The following EPHA5 variants were observed in gnomAD, a reference collection of about 807,000 sequenced individuals.
EPHA5 encodes the protein EPH receptor A5.
EPHA5 carries 60 observed loss-of-function variants against 105.0 expected under a neutral mutation model. The ratio of observed to expected loss-of-function variants is 0.57; its 90% CI spans 0.46 to 0.71. The LOEUF is 0.71. EPHA5 is among the 30% of genes least tolerant of loss of function. The probability of loss-of-function intolerance (pLI) is 0.00; values close to 1 mark genes in which losing one functional copy is unlikely to be tolerated. For synonymous variants in EPHA5, 513 were observed against 449.1 expected, an observed-to-expected ratio of 1.14 and a Z score of -1.80; for missense variants, 1,218 against 1,274.7, an observed-to-expected ratio of 0.96 and a Z score of 0.68.
rs535812615 is a variant in EPHA5 at position 65,646,420 on chromosome 4, A to C, written c.182-2993T>G. On this transcript the variant is annotated intron_variant, in intron 1 of 16. Coordinates refer to ENST00000613740, the MANE Select transcript of EPHA5 (RefSeq NM_001281766.3). ...TACACCAGTGGTTCTCAACATGGAG[A>C]TATAATAATGTCTGGACACATTTAG... Among the ~76,000 whole-genome samples, 3 of 152,306 alleles carry C rather than the reference A, an allele frequency of 2.0e-5. No homozygotes were observed. In the East Asian group the frequency reaches 5.8e-4, roughly 29 times the overall value.
intron 3 of EPHA5, among the ~76,000 whole-genome samples, chr4:65,593,494 C>T (rs1742872223): frequency 6.6e-6 from 1 of 152,138 alleles, no homozygotes; most frequent in African/African-American, 2.4e-5. Flanking sequence ...ACATAAAAAT[C>T]ACCAAGGAAT....
At chr4:65,345,930 G>T (rs1450290713) in intron 14 of EPHA5, among the ~76,000 whole-genome samples, 1 of 151,700 alleles carries the variant, frequency 6.6e-6, no homozygotes, top group Non-Finnish European at 1.5e-5. Flanking sequence ...CCGCCACCAC[G>T]CCCGGCTAAT....
At chr4:65,623,190 G>A (rs960023312) in intron 2 of EPHA5, among the ~76,000 whole-genome samples, 1 of 151,824 alleles carries the variant, frequency 6.6e-6, no homozygotes, top group Non-Finnish European at 1.5e-5. Flanking sequence ...CTCACAAAAG[G>A]CTGTCAACAT....
intron 5 of EPHA5, among the ~76,000 whole-genome samples, chr4:65,464,044 AT>A (rs970934116): frequency 3.3e-5 from 5 of 151,260 alleles, no homozygotes; most frequent in African/African-American, 1.2e-4. Context: ...ACAAGAGGAA[AT>A]TTTTTTTTGG....
chr4:65,579,377 A>ATATAAAT (rs1560727039), intron 3 of EPHA5, among the ~76,000 whole-genome samples: 2 of 92,272 alleles, frequency 2.2e-5, no homozygotes, highest in Non-Finnish European at 5.0e-5. Context: ...TATATATATA[A>ATATAAAT]ATATATATAT....
chr4:65,531,764 G>A (rs1735822613), intron 3 of EPHA5, among the ~76,000 whole-genome samples: 1 of 152,116 alleles, frequency 6.6e-6, no homozygotes, highest in African/African-American at 2.4e-5. Context: ...GAATGACAAT[G>A]ATCCAGGAAT....
At chr4:65,455,377 A>G (rs996365937) in intron 5 of EPHA5, among the ~76,000 whole-genome samples, 2 of 152,242 alleles carry the variant, frequency 1.3e-5, no homozygotes, top group African/African-American at 4.8e-5. Context: ...ACAAGCAAAC[A>G]GCTGGACATC....
intron 11 of EPHA5, among the ~76,000 whole-genome samples, chr4:65,360,691 AATTTT>A (rs1219321933): frequency 3.3e-5 from 5 of 151,576 alleles, no homozygotes; most frequent in Non-Finnish European, 7.4e-5. Context: ...CTTTCCTATT[AATTTT>A]ATTATTTTTC....
rs1015921939 is a variant in EPHA5, at chr4:65,483,725, T to A, written c.1402+6652A>T. On this transcript the variant is annotated intron_variant, in intron 5 of 16. Coordinates refer to ENST00000613740, the MANE Select transcript of EPHA5 (RefSeq NM_001281766.3). ...TCATATTACAGTTGATACAGTAATA[T>A]TTCCATTTCAGCTTTTGATTATTTT... is the stretch of plus-strand genomic sequence containing the variant. Among the ~76,000 whole-genome samples, 2 of 152,184 alleles carry A rather than the reference T, an allele frequency of 1.3e-5. 1 individual carries two copies. The highest frequency in any genetic ancestry group is 6.3e-3 in the Middle Eastern group (2 of 316).
intron 16 of EPHA5, among the ~76,000 whole-genome samples, chr4:65,328,600 A>G (rs1043199751): frequency 1.3e-4 from 20 of 151,060 alleles, no homozygotes; most frequent in African/African-American, 4.8e-4. Context: ...CCAAACTTCA[A>G]TATTTATTGC....
intron 2 of EPHA5, among the ~76,000 whole-genome samples, chr4:65,615,318 T>C (rs1745134513): frequency 6.6e-6 from 1 of 151,762 alleles, no homozygotes; most frequent in Non-Finnish European, 1.5e-5. Context: ...TGAAACCAAT[T>C]GGGGTACATA....
chr4:65,637,273 A>T (rs1273953817), intron 2 of EPHA5, among the ~76,000 whole-genome samples: 2 of 151,718 alleles, frequency 1.3e-5, no homozygotes, highest in African/African-American at 4.8e-5. Flanking sequence ...AACAAAAAAA[A>T]ATGTGGATGC....
intron 5 of EPHA5, among the ~76,000 whole-genome samples, chr4:65,455,853 T>G (rs1246487399): frequency 6.6e-6 from 1 of 152,182 alleles, no homozygotes; most frequent in Non-Finnish European, 1.5e-5. Context: ...TCGGTTTTCT[T>G]AAATTCTGAA....
intron 5 of EPHA5, among the ~76,000 whole-genome samples, chr4:65,422,749 T>C (rs1244764394): frequency 2.0e-5 from 3 of 152,096 alleles, no homozygotes; most frequent in Non-Finnish European, 4.4e-5. Flanking sequence ...GCTACTACAG[T>C]TCCCATTATG....
At chr4:65,659,057 G>A (rs188578440) in intron 1 of EPHA5, among the ~76,000 whole-genome samples, 17 of 151,990 alleles carry the variant, frequency 1.1e-4, no homozygotes, top group Non-Finnish European at 2.1e-4. Flanking sequence ...TGAAAGGTGA[G>A]TACATTTTCC....
At chr4:65,382,890 T>C (rs1464039885) in intron 8 of EPHA5, among the ~76,000 whole-genome samples, 1 of 151,624 alleles carries the variant, frequency 6.6e-6, no homozygotes, top group African/African-American at 2.4e-5. Context: ...ATTTACTTAA[T>C]GAATACAAGG....
At chr4:65,659,382 C>A (rs1425532534) in intron 1 of EPHA5, among the ~76,000 whole-genome samples, 1 of 140,346 alleles carries the variant, frequency 7.1e-6, no homozygotes, top group Middle Eastern at 4.0e-3. Flanking sequence ...GCATAGATGC[C>A]GTGAATTGGA....
At chr4:65,494,441 T>C (rs1318572768) in intron 4 of EPHA5, among the ~76,000 whole-genome samples, 1 of 152,154 alleles carries the variant, frequency 6.6e-6, no homozygotes, top group African/African-American at 2.4e-5. Context: ...AATTAAACAA[T>C]ATGAGGAGAG....
At chr4:65,582,183 C>G (rs936036680) in intron 3 of EPHA5, among the ~76,000 whole-genome samples, 11 of 151,646 alleles carry the variant, frequency 7.3e-5, no homozygotes, top group Admixed American at 2.0e-4. Context: ...GAAACCAGGA[C>G]TGTTACTGTG....
Sources: gnomAD v4.1 joint callset for allele counts (sites outside exome capture counted in the v4.1 genomes callset) on GRCh38, gnomAD v4.1.1 for gene constraint, MANE v1.5 for transcripts, NCBI Gene and HGNC (gene_info 2026-07-23, HGNC 2026-07-21) for gene names.